The following RCL1 variants were observed in gnomAD, a reference collection of about 807,000 sequenced individuals.
The protein encoded by RCL1 is RNA terminal phosphate cyclase like 1.
RCL1 carries 24 observed loss-of-function variants against 42.4 expected under a neutral mutation model. The observed-to-expected ratio is 0.57, with a 90% CI of 0.41 to 0.80. RCL1 has a LOEUF of 0.80. RCL1 is among the 30% of genes least tolerant of loss of function. The pLI is 0.00. For synonymous variants in RCL1, 228 were observed against 177.3 expected, an observed-to-expected ratio of 1.29 and a Z score of -2.27; for missense variants, 578 against 467.9, an observed-to-expected ratio of 1.24 and a Z score of -2.17.
At chr9:4,830,831 T>C (rs1816919023) in intron 3 of RCL1, among the ~76,000 whole-genome samples, 1 of 152,226 alleles carries the variant, frequency 6.6e-6, no homozygotes, top group African/African-American at 2.4e-5. Context: ...CATTTTTACC[T>C]TTTGATTGAT....
chr9:4,853,511 C>T (rs796907585), intron 8 of RCL1, among the ~76,000 whole-genome samples: 18 of 152,072 alleles, frequency 1.2e-4, no homozygotes, highest in African/African-American at 2.7e-4. Flanking sequence ...TTAGTAGAGA[C>T]GGGGTTTCAT....
intron 3 of RCL1, among the ~76,000 whole-genome samples, chr9:4,827,889 C>G (rs894223510): frequency 6.6e-6 from 1 of 151,950 alleles, no homozygotes; most frequent in African/African-American, 2.4e-5. Flanking sequence ...GAGAAGATAT[C>G]TTAAAGCTGA....
At chr9:4,846,124 A>G (rs963742065) in intron 7 of RCL1, among the ~76,000 whole-genome samples, 2 of 152,222 alleles carry the variant, frequency 1.3e-5, no homozygotes, top group African/African-American at 2.4e-5. Context: ...GCTTATATTT[A>G]TAGTCTACTC....
At chr9:4,793,606 T>G (rs887846230) in intron 1 of RCL1, among the ~76,000 whole-genome samples, 1 of 152,180 alleles carries the variant, frequency 6.6e-6, no homozygotes, top group Non-Finnish European at 1.5e-5. Flanking sequence ...ATATGGTGAA[T>G]GAGCCGGGGG....
intron 1 of RCL1, among the ~76,000 whole-genome samples, chr9:4,796,591 G>A (rs761724781): frequency 7.9e-5 from 12 of 152,084 alleles, no homozygotes; most frequent in Admixed American, 1.3e-4. Flanking sequence ...TAGAGATGGG[G>A]TGTTGTCTAT....
At chr9:4,817,210 T>A (rs1239733290) in intron 1 of RCL1, among the ~76,000 whole-genome samples, 3 of 152,218 alleles carry the variant, frequency 2.0e-5, no homozygotes, top group South Asian at 4.1e-4. Context: ...AAAATTCTTC[T>A]TGTCTTCTTT....
At chr9:4,836,672 T>G (rs1199926716) in intron 5 of RCL1, 2 of 152,190 alleles carry the variant, frequency 1.3e-5, no homozygotes, top group Non-Finnish European at 2.9e-5. Context: ...AAGGTCGGGT[T>G]TTGTGTTCTC....
At chr9:4,796,877 CT>C (rs776575524) in intron 1 of RCL1, among the ~76,000 whole-genome samples, 2 of 152,160 alleles carry the variant, frequency 1.3e-5, no homozygotes, top group Non-Finnish European at 2.9e-5. Context: ...GTCTTTTCCT[CT>C]GGGTAGATAC....
chr9:4,820,232 A>G (rs1336204206), intron 1 of RCL1, among the ~76,000 whole-genome samples: 1 of 152,208 alleles, frequency 6.6e-6, no homozygotes, highest in South Asian at 2.1e-4. Flanking sequence ...AGGAGTCAGC[A>G]GGGTGTGTGG....
rs1397122310 is a variant in RCL1 at position 4,860,513 on chromosome 9, C to T, written c.*238C>T. 1.5e-5 allele frequency: 7 copies of T among 471,250 alleles called. No homozygotes were observed. In the Admixed American group the frequency reaches 1.7e-4, roughly 12 times the overall value. The allele number at this position is 471,250 out of a possible 1,614,324, so 29.2% of individuals were successfully genotyped here. A position where few individuals can be genotyped will look rare whatever the true frequency, so the allele number is the denominator to read the frequency against. ...CCAGTCACCATGAGAGCTCCCTTGC[C>T]TTACCTGGAGGAAGAATGTGCCTTC... is the stretch of plus-strand genomic sequence containing the variant. On this transcript the variant is annotated 3_prime_UTR_variant, in exon 9 of 9. Transcript: ENST00000381750.
intron 1 of RCL1, among the ~76,000 whole-genome samples, chr9:4,813,441 T>C (rs979833655): frequency 1.3e-5 from 2 of 152,238 alleles, no homozygotes; most frequent in African/African-American, 4.8e-5. Context: ...GAAAAAATGT[T>C]CATCATCACT....
chr9:4,849,761 C>A (rs1817660460), intron 8 of RCL1, among the ~76,000 whole-genome samples: 1 of 152,190 alleles, frequency 6.6e-6, no homozygotes, highest in Non-Finnish European at 1.5e-5. Context: ...TCCCAGGTAA[C>A]TGAAATTGCA....
At chr9:4,801,677 A>G (rs1427964151) in intron 1 of RCL1, among the ~76,000 whole-genome samples, 6 of 143,614 alleles carry the variant, frequency 4.2e-5, no homozygotes, top group South Asian at 2.2e-4. Flanking sequence ...AAGTCTAAGA[A>G]CTCTTTGCCT....
intron 4 of RCL1, among the ~76,000 whole-genome samples, chr9:4,833,896 C>G (rs989881500): frequency 7.9e-5 from 12 of 152,156 alleles, no homozygotes; most frequent in African/African-American, 2.7e-4. Flanking sequence ...GTGACCTGTT[C>G]AGGGTTAAAG....
rs1436765205 is a variant in RCL1, at chr9:4,860,785, T to C, written c.*510T>C. On this transcript the variant is annotated 3_prime_UTR_variant, in exon 9 of 9. Coordinates refer to ENST00000381750, the MANE Select transcript of RCL1 (RefSeq NM_005772.5). ...GTGCTAAGCAAATGTCAGAAATTGG[T>C]GTATTAGACTATTTATCTTTGATCT... 1 of 152,470 alleles carries C rather than the reference T, an allele frequency of 6.6e-6. No homozygotes were observed. The highest frequency in any genetic ancestry group is 1.5e-5 in the Non-Finnish European group (1 of 68,230). The allele number at this position is 152,470 out of a possible 1,614,324, so 9.4% of individuals were successfully genotyped here.
chr9:4,852,949 A>G (rs1222204695), intron 8 of RCL1, among the ~76,000 whole-genome samples: 2 of 152,104 alleles, frequency 1.3e-5, no homozygotes, highest in Non-Finnish European at 2.9e-5. Flanking sequence ...ATATCCATTA[A>G]TTTTAAATTA....
intron 3 of RCL1, among the ~76,000 whole-genome samples, chr9:4,828,707 C>CT (rs908650814): frequency 7.3e-5 from 11 of 151,186 alleles, no homozygotes; most frequent in South Asian, 2.1e-4. Context: ...CTGTTTTGTG[C>CT]TTTTTTTTTC....
intron 6 of RCL1, among the ~76,000 whole-genome samples, chr9:4,841,770 C>T (rs1331863710): frequency 6.6e-6 from 1 of 152,172 alleles, no homozygotes; most frequent in Non-Finnish European, 1.5e-5. Context: ...GTGGAAACAA[C>T]ATATTTACAT....
At chr9:4,833,024 A>T in intron 3 of RCL1, 130 bp from the exon 4 acceptor site, 1 of 657,428 alleles carries the variant, frequency 1.5e-6, no homozygotes. Flanking sequence ...TCGCTCAGTT[A>T]TATGCCAGCA....
Sources: allele counts gnomAD v4.1 joint callset (sites outside exome capture counted in the v4.1 genomes callset), GRCh38; gene constraint gnomAD v4.1.1; transcripts MANE v1.5; gene names NCBI Gene and HGNC (gene_info 2026-07-23, HGNC 2026-07-21).